CCDC66: variants seen among roughly 807,000 people sequenced by gnomAD.
The protein encoded by CCDC66 is coiled-coil domain containing 66.
A neutral mutation model predicts 128.3 loss-of-function variants in CCDC66; 133 were observed. The ratio of observed to expected loss-of-function variants is 1.04; its 90% CI spans 0.90 to 1.20. The LOEUF (loss-of-function observed/expected upper bound fraction) is 1.20. CCDC66 is among the 50% of genes most tolerant of loss of function. The pLI is 0.00. For synonymous variants in CCDC66, 387 were observed against 357.0 expected, an observed-to-expected ratio of 1.08 and a Z score of -0.95; for missense variants, 1,126 against 1,075.5, an observed-to-expected ratio of 1.05 and a Z score of -0.66.
At chr3:56,610,681 CCTT>C (rs2074672545) in intron 10 of CCDC66, among the ~76,000 whole-genome samples, 2 of 152,082 alleles carry the variant, frequency 1.3e-5, no homozygotes, top group Non-Finnish European at 1.5e-5. Context: ...TTTTCTGGTT[CCTT>C]CTTATTTGGG....
intron 17 of CCDC66, 110 bp downstream of exon 17, chr3:56,620,011 A>C (rs1006394485): frequency 2.6e-5 from 31 of 1,189,420 alleles, no homozygotes; most frequent in Non-Finnish European, 3.5e-5. Context: ...CCAGGATTTA[A>C]CAAAAATATT....
intron 4 of CCDC66, among the ~76,000 whole-genome samples, chr3:56,565,414 C>CA (rs1322230808): frequency 2.0e-5 from 3 of 150,354 alleles, no homozygotes; most frequent in African/African-American, 7.3e-5. Context: ...GCTGGGACTA[C>CA]AGGCGCATGC....
intron 11 of CCDC66, among the ~76,000 whole-genome samples, chr3:56,614,137 T>C (rs1016440952): frequency 6.6e-6 from 1 of 152,216 alleles, no homozygotes; most frequent in Non-Finnish European, 1.5e-5. Context: ...TTATTTTGAA[T>C]TGTGAAGCTA....
chr3:56,577,366 G>C (rs1445157280), intron 7 of CCDC66, among the ~76,000 whole-genome samples: 1 of 151,800 alleles, frequency 6.6e-6, no homozygotes, highest in East Asian at 2.0e-4. Flanking sequence ...CTCCCATTCT[G>C]TAGGTTGCCT....
chr3:56,591,432 A>T (rs2070874334), intron 7 of CCDC66, among the ~76,000 whole-genome samples: 1 of 152,224 alleles, frequency 6.6e-6, no homozygotes, highest in African/African-American at 2.4e-5. Context: ...GTCACACTGC[A>T]AGAAGAAAAA....
At chr3:56,601,346 A>G (rs1395257699) in intron 10 of CCDC66, among the ~76,000 whole-genome samples, 1 of 152,004 alleles carries the variant, frequency 6.6e-6, no homozygotes, top group Non-Finnish European at 1.5e-5. Context: ...CTGTTTTGGT[A>G]CCAGTACCAT....
chr3:56,615,737 G>C (rs946120650), intron 12 of CCDC66, 185 bp from the exon 13 acceptor site: 3 of 411,252 alleles, frequency 7.3e-6, no homozygotes, highest in Non-Finnish European at 1.3e-5. Context: ...TTTTTACCGA[G>C]AACAATTATT....
rs147239272 is a variant in CCDC66 at position 56,613,735 on chromosome 3, G to T, written c.1551G>T (p.Lys517Asn). The stretch of plus-strand genomic sequence containing the variant: ...AACAGTATGAAGAAGACATACTTAA[G>T]CAAAAACAAAAGGAAGTAGGTACTT... ...MQKQYEEDIL[K>N]QKQKEEIMTL... Residue 517 changes from lysine (K) to asparagine (N), a missense_variant, in exon 11 of 18, where the codon AAG (lysine) becomes AAT (asparagine). Physicochemically the swap from Lys to Asn is moderately conservative, Grantham distance 94. Coordinates refer to ENST00000394672, the MANE Select transcript of CCDC66 (RefSeq NM_001141947.3). 6.2e-7 allele frequency: 1 copy of T among 1,605,496 alleles called. No individual in the cohort carries two copies. The highest frequency in any genetic ancestry group is 8.5e-7 in the Non-Finnish European group (1 of 1,177,306).
Position 56,582,482 on chromosome 3 carries a change from G to T in CCDC66, c.937-10488G>T, listed in dbSNP as rs776733390. On this transcript the variant is annotated intron_variant, in intron 7 of 17. Coordinates refer to ENST00000394672, the MANE Select transcript of CCDC66 (RefSeq NM_001141947.3). ...ATCACCTGTCTTCTGCATTGCTCAC[G>T]CTGGAAGCTGCAGACTGGAGCTGTT... is the stretch of plus-strand genomic sequence containing the variant. 2.6e-5 allele frequency among the ~76,000 whole-genome samples: 4 copies of T among 151,842 alleles called. No homozygotes were observed. The Admixed American group carries it at 2.6e-4, about 10-fold the overall frequency.
Position 56,593,094 on chromosome 3 carries a change from A to G in CCDC66, c.1061A>G (p.Tyr354Cys). The G allele has an allele frequency of 5.7e-6, 9 of 1,588,172 alleles. No homozygotes were observed. Among genetic ancestry groups the G allele is most frequent in the Non-Finnish European group, 7.7e-6 (9 of 1,164,414 alleles). ...RQRKIEEKII[Y>C]SKGEEHDRWA... ...AGAAAAATAGAGGAAAAAATTATATATTCAAAGGTAACTTATGAGGTTTTG... is the reference window on the plus strand; with the variant it reads ...AGAAAAATAGAGGAAAAAATTATATGTTCAAAGGTAACTTATGAGGTTTTG... The change falls in exon 8 of 18, where the codon TAT becomes TGT. Residue 354 changes from tyrosine to cysteine, a missense_variant. Transcript: ENST00000394672.
intron 8 of CCDC66, 56 bp downstream of exon 8, chr3:56,593,157 CAATT>C: frequency 7.4e-7 from 1 of 1,343,176 alleles, no homozygotes; most frequent in Non-Finnish European, 1.0e-6. Flanking sequence ...AGTCTTTAAT[CAATT>C]AAAACTAGAA....
chr3:56,568,305 A>G (rs1368661071), intron 6 of CCDC66, among the ~76,000 whole-genome samples: 4 of 152,230 alleles, frequency 2.6e-5, no homozygotes, highest in African/African-American at 4.8e-5. Context: ...GTTATCCCTC[A>G]GTATCCATGA....
rs776915441 is a variant in CCDC66, at chr3:56,621,520, A to G, written c.2761-12A>G. The G allele has an allele frequency of 2.6e-5, 40 of 1,561,220 alleles. No individual in the cohort carries two copies. Among genetic ancestry groups the G allele is most frequent in the Non-Finnish European group, 3.3e-5 (38 of 1,149,110 alleles). On this transcript the variant is annotated splice_polypyrimidine_tract_variant and intron_variant, in intron 17 of 17. Transcript: ENST00000394672. ...ACATTTTACTAACAAACATATATCA[A>G]TGTGATTTCAGGGCCTTCTCCAGAA...
intron 7 of CCDC66, among the ~76,000 whole-genome samples, chr3:56,579,329 T>C (rs1452667575): frequency 6.6e-6 from 1 of 151,872 alleles, no homozygotes; most frequent in Non-Finnish European, 1.5e-5. Flanking sequence ...TAGTGGTCTA[T>C]CAATTTTGTT....
In CCDC66 at chr3:56,563,723, A is replaced by G; in HGVS notation, c.142A>G (p.Thr48Ala). The G allele has an allele frequency of 6.4e-7, 1 of 1,551,298 alleles. No homozygotes were observed. ...KAKIAKCPLR[T>A]KTGHILKSTQ... ...CAAGATTGCAAAATGTCCTTTAAGA[A>G]CAAAAACTGGGCACATTCTAAAATC... is the stretch of plus-strand genomic sequence containing the variant. The change falls in exon 4 of 18, where the codon ACA becomes GCA. Residue 48 changes from threonine to alanine, a missense_variant. Thr to Ala is a moderately conservative substitution (Grantham distance 58, BLOSUM62 0). Transcript: ENST00000394672.
intron 6 of CCDC66, chr3:56,570,269 G>T (rs1398593399): frequency 1.3e-5 from 2 of 152,096 alleles, no homozygotes; most frequent in African/African-American, 4.8e-5. Context: ...TGTATTTAAA[G>T]AACTACTGTT....
At chr3:56,619,222 A>G (rs1333493553) in intron 15 of CCDC66, 49 bp from the exon 16 acceptor site, 5 of 1,365,242 alleles carry the variant, frequency 3.7e-6, no homozygotes, top group Non-Finnish European at 5.0e-6. Context: ...GATTAAAGAG[A>G]TATACTTAAT....
chr3:56,563,828 G>A lies in CCDC66; in HGVS notation c.247G>A (p.Glu83Lys), dbSNP rs2065441194. The change falls in exon 4 of 18, where the codon GAA (glutamate) becomes AAA (lysine). Residue 83 changes from glutamate to lysine, a missense_variant. Transcript: ENST00000394672. Reference protein sequence around the residue: ...VGSETSQAKGEKNGMTFSSTK... With the variant: ...VGSETSQAKGKKNGMTFSSTK... The stretch of plus-strand genomic sequence containing the variant: ...TTCAGAAACATCACAGGCAAAAGGT[G>A]AAAAAAATGGAATGACTTTTTCATC... 6.4e-7 allele frequency: 1 copy of A among 1,561,306 alleles called. No individual in the cohort carries two copies. Among genetic ancestry groups the A allele is most frequent in the Admixed American group, 1.9e-5 (1 of 52,046 alleles).
intron 15 of CCDC66, 50 bp from the exon 16 acceptor site, chr3:56,619,221 G>T (rs1317327053): frequency 5.2e-6 from 7 of 1,355,826 alleles, no homozygotes; most frequent in Non-Finnish European, 7.0e-6. Context: ...TGATTAAAGA[G>T]ATATACTTAA....
Sources: gnomAD v4.1 joint callset for allele counts (sites outside exome capture counted in the v4.1 genomes callset) on GRCh38, gnomAD v4.1.1 for gene constraint, MANE v1.5 for transcripts, NCBI Gene and HGNC (gene_info 2026-07-23, HGNC 2026-07-21) for gene names.